Variants in ARAP2 observed in about 807,000 individuals in gnomAD.
The protein encoded by ARAP2 is ArfGAP with RhoGAP domain, ankyrin repeat and PH domain 2.
ARAP2 carries 148 observed loss-of-function variants against 194.5 expected under a neutral mutation model. The observed-to-expected ratio is 0.76, with a 90% CI of 0.67 to 0.87. The LOEUF (loss-of-function observed/expected upper bound fraction) is 0.87. ARAP2 is among the 40% of genes least tolerant of loss of function. The pLI is 0.00. For synonymous variants in ARAP2, 695 were observed against 683.5 expected, an observed-to-expected ratio of 1.02 and a Z score of -0.26; for missense variants, 2,128 against 1,989.7, an observed-to-expected ratio of 1.07 and a Z score of -1.32.
At position 36,133,494 on chromosome 4, in the gene ARAP2, T is replaced by C; in HGVS notation, c.3264-105A>G. Reference sequence around the variant, plus strand: ...ATCCACACAATCATGCAAGACAAACTCTTCTTTTATCTCATCCACCACGAG... The same window carrying C: ...ATCCACACAATCATGCAAGACAAACCCTTCTTTTATCTCATCCACCACGAG... On this transcript the variant is annotated intron_variant, in intron 19 of 32. Transcript: ENST00000303965. The C allele has an allele frequency of 7.1e-6, 7 of 989,888 alleles. No homozygotes were observed. The South Asian group carries it at 1.2e-4, about 17-fold the overall frequency. 61.3% of individuals were successfully genotyped at this position (989,888 alleles called of 1,614,324 possible). A position where few individuals can be genotyped will look rare whatever the true frequency, so the allele number is the denominator to read the frequency against.
intron 26 of ARAP2, among the ~76,000 whole-genome samples, 194 bp downstream of exon 26, chr4:36,113,976 G>A (rs2109502375): frequency 6.6e-6 from 1 of 151,952 alleles, no homozygotes; most frequent in South Asian, 2.1e-4. Context: ...TATTTTTATA[G>A]TCAATAAGGT....
rs75417267 is a variant in ARAP2 at position 36,084,938 on chromosome 4, A to C, written c.4426-1488T>G. On this transcript the variant is annotated intron_variant, in intron 28 of 32. Transcript: ENST00000303965. ...AATTTAACCACTGAGTCATAGGCTA[A>C]GAATATGATTCAGAAAAAAATCTTA... 8.4e-3 allele frequency among the ~76,000 whole-genome samples: 1,277 copies of C among 151,816 alleles called. 20 individuals carry two copies. Among genetic ancestry groups the C allele is most frequent in the African/African-American group, 0.029 (1,208 of 41,362 alleles).
At position 36,042,846 on chromosome 4, in the gene ARAP2, C is replaced by CTTCT. The variant is rs1553875218; in HGVS notation, n.607+3132_607+3133insAGAA. Among the ~76,000 whole-genome samples the CTTCT allele has an allele frequency of 2.6e-3, 324 of 124,566 alleles. 4 individuals carry two copies. The South Asian group carries it at 0.028, about 11-fold the overall frequency. 81.7% of individuals were successfully genotyped at this position (124,566 alleles called of 152,430 possible). A position where few individuals can be genotyped will look rare whatever the true frequency, so the allele number is the denominator to read the frequency against. ...CAATAAACAAATGCGTTTTTTTCTT[C>CTTCT]TTTTTTTTTTTTTTCAAACAGGGTT... On this transcript the variant is annotated intron_variant and non_coding_transcript_variant, in intron 5 of 12. Transcript: ENST00000503225.
chr4:36,088,336 C>G (rs947309057), intron 28 of ARAP2, among the ~76,000 whole-genome samples: 5 of 152,034 alleles, frequency 3.3e-5, no homozygotes, highest in African/African-American at 1.2e-4. Flanking sequence ...TCAGTTCTAG[C>G]TGACTAGAAT....
intron 30 of ARAP2, among the ~76,000 whole-genome samples, chr4:36,080,676 T>A (rs948424534): frequency 2.0e-5 from 3 of 152,180 alleles, no homozygotes; most frequent in Non-Finnish European, 4.4e-5. Flanking sequence ...TCTTTCTTTT[T>A]AAAAGGCTGA....
At position 36,067,842 on chromosome 4, in the gene ARAP2, G is replaced by A; in HGVS notation, c.*65C>T. Reference sequence around the variant, plus strand: ...TGAATTATCTTATAGTTCAGTTTTGGAGTTACACATAAAGATTGCATACAA... The same window carrying A: ...TGAATTATCTTATAGTTCAGTTTTGAAGTTACACATAAAGATTGCATACAA... On this transcript the variant is annotated 3_prime_UTR_variant, in exon 33 of 33. Transcript: ENST00000303965. 6.7e-7 allele frequency: 1 copy of A among 1,484,360 alleles called. No homozygotes were observed. Among genetic ancestry groups the A allele is most frequent in the Non-Finnish European group, 9.0e-7 (1 of 1,111,982 alleles). 91.9% of individuals were successfully genotyped at this position (1,484,360 alleles called of 1,614,324 possible).
intron 5 of ARAP2, among the ~76,000 whole-genome samples, chr4:36,033,098 A>G (rs1222942833): frequency 6.6e-6 from 1 of 152,152 alleles, no homozygotes; most frequent in African/African-American, 2.4e-5. Flanking sequence ...GATTGATTCT[A>G]TATCTTTGCT....
At chr4:36,069,640 T>A (rs1726338203) in intron 32 of ARAP2, among the ~76,000 whole-genome samples, 1 of 152,198 alleles carries the variant, frequency 6.6e-6, no homozygotes, top group South Asian at 2.1e-4. Context: ...TCTCATCGTC[T>A]TTCAACCATC....
intron 5 of ARAP2, among the ~76,000 whole-genome samples, chr4:36,043,794 A>C (rs374956748): frequency 3.7e-5 from 1 of 26,880 alleles, no homozygotes; most frequent in Non-Finnish European, 8.4e-5. Flanking sequence ...AGAAGAGAAG[A>C]GAAGGGAAGG....
chr4:36,033,318 T>C (rs1719313963), intron 5 of ARAP2, among the ~76,000 whole-genome samples: 1 of 152,006 alleles, frequency 6.6e-6, no homozygotes, highest in Non-Finnish European at 1.5e-5. Context: ...CCCTACTATT[T>C]GACTTTTTAT....
Position 36,231,683 on chromosome 4 carries a change from T to C in ARAP2, c.-159-2038A>G, listed in dbSNP as rs372923052. On this transcript the variant is annotated intron_variant, in intron 1 of 32. Transcript: ENST00000303965. ...AAACCTTAATAGGAGAAAAACAATT[T>C]TAATAAAATACATACACACACGCAC... 4.6e-5 allele frequency among the ~76,000 whole-genome samples: 7 copies of C among 152,262 alleles called. No individual in the cohort carries two copies. The East Asian group carries it at 1.2e-3, about 25-fold the overall frequency.
intron 8 of ARAP2, among the ~76,000 whole-genome samples, chr4:36,185,234 C>A (rs775173101): frequency 3.3e-5 from 5 of 152,208 alleles, no homozygotes; most frequent in Admixed American, 3.3e-4. Context: ...CTCTGGGACT[C>A]TAGCTTTCGT....
At chr4:36,190,767 C>G (rs1578219245) in intron 7 of ARAP2, among the ~76,000 whole-genome samples, 1 of 152,104 alleles carries the variant, frequency 6.6e-6, no homozygotes. Flanking sequence ...GCTAGGGAGG[C>G]TCAGATGGAA....
Position 36,198,582 on chromosome 4 carries a change from C to A in ARAP2, c.1488-4935G>T, listed in dbSNP as rs1364261703. On this transcript the variant is annotated intron_variant, in intron 6 of 32. Coordinates refer to ENST00000303965, the MANE Select transcript of ARAP2 (RefSeq NM_015230.4). ...TTCCTTGGCTTTCCTCCCTCCCATG[C>A]TCATCAGGACCCAAAGTCCAGAGTG... is the stretch of plus-strand genomic sequence containing the variant. Among the ~76,000 whole-genome samples the A allele has an allele frequency of 3.3e-5, 5 of 152,328 alleles. No homozygotes were observed. The East Asian group carries it at 7.7e-4, about 24-fold the overall frequency.
rs530280262 is a variant in ARAP2 at position 36,202,111 on chromosome 4, T to C, written c.1487+8279A>G. Reference sequence around the variant, plus strand: ...TAAAGAATCACAGCATATTTTATGTTATTCCCTCCTCTAACCCTAACGAGA... The same window carrying C: ...TAAAGAATCACAGCATATTTTATGTCATTCCCTCCTCTAACCCTAACGAGA... On this transcript the variant is annotated intron_variant, in intron 6 of 32. Transcript: ENST00000303965. 3.9e-5 allele frequency among the ~76,000 whole-genome samples: 6 copies of C among 152,326 alleles called. No individual in the cohort carries two copies. In the South Asian group the frequency reaches 6.2e-4, roughly 16 times the overall value.
intron 27 of ARAP2, 146 bp from the exon 28 acceptor site, chr4:36,092,166 T>C (rs1037824128): frequency 2.2e-6 from 2 of 918,500 alleles, no homozygotes; most frequent in African/African-American, 1.7e-5. Flanking sequence ...GGGAATACCA[T>C]GTGTCTGAAG....
intron 19 of ARAP2, among the ~76,000 whole-genome samples, chr4:36,136,352 G>C (rs922695266): frequency 6.6e-6 from 1 of 151,478 alleles, no homozygotes; most frequent in African/African-American, 2.4e-5. Context: ...AATTCCAAAG[G>C]GCACTTCAAA....
intron 9 of ARAP2, among the ~76,000 whole-genome samples, chr4:36,011,673 C>G (rs988150572): frequency 6.6e-6 from 1 of 152,106 alleles, no homozygotes; most frequent in Admixed American, 6.6e-5. Context: ...CATTCTCCTC[C>G]TTATATTGAT....
At chr4:36,122,886 A>G (rs541671942) in intron 22 of ARAP2, among the ~76,000 whole-genome samples, 2 of 151,944 alleles carry the variant, frequency 1.3e-5, no homozygotes, top group East Asian at 3.9e-4. Flanking sequence ...TAACTCCATC[A>G]AATGAATGTA....
Sources: allele counts gnomAD v4.1 joint callset (sites outside exome capture counted in the v4.1 genomes callset), GRCh38; gene constraint gnomAD v4.1.1; transcripts MANE v1.5; gene names NCBI Gene and HGNC (gene_info 2026-07-23, HGNC 2026-07-21).